Variants in PIEZO2 observed in about 807,000 individuals in gnomAD.
PIEZO2 encodes piezo-type mechanosensitive ion channel component 2.
A neutral mutation model predicts 337.3 loss-of-function variants in PIEZO2; 172 were observed. The ratio of observed to expected loss-of-function variants is 0.51; its 90% confidence interval spans 0.45 to 0.58. The LOEUF (loss-of-function observed/expected upper bound fraction) is 0.58, where lower values mean the gene tolerates loss of function less well. PIEZO2 is among the 20% of genes least tolerant of loss of function. The pLI, the probability that PIEZO2 is intolerant of heterozygous loss-of-function variation, is 0.00. For missense variants in PIEZO2, 3,028 were observed against 3,391.3 expected (o/e 0.89, Z 2.66); for synonymous variants, 1,251 against 1,228.5 (o/e 1.02, Z -0.38).
Position 10,973,602 on chromosome 18 carries a change from G to A in PIEZO2, c.286+5933C>T, listed in dbSNP as rs2034326393. Among the ~76,000 whole-genome samples the A allele has an allele frequency of 6.6e-6, 1 of 152,176 alleles. No individual in the cohort carries two copies. The highest frequency in any genetic ancestry group is 2.1e-4 in the South Asian group (1 of 4,822). ...TGGCCAGAAGTAAAGATATAGCTTG[G>A]ACCAGTTTTTTAAATTGTTGTATTG... On this transcript the variant is annotated intron_variant, in intron 3 of 55. Coordinates refer to ENST00000674853, the MANE Select transcript of PIEZO2 (RefSeq NM_001378183.1). This position sits in a 1 kb window ranked among gnomAD's most constrained non-coding sequence, Gnocchi z 4.9.
intron 32 of PIEZO2, among the ~76,000 whole-genome samples, chr18:10,741,930 G>A (rs2037235262): frequency 6.6e-6 from 1 of 152,090 alleles, no homozygotes; most frequent in Non-Finnish European, 1.5e-5. Flanking sequence ...GAGGTGGGCG[G>A]ATCACGAGGT....
intron 16 of PIEZO2, among the ~76,000 whole-genome samples, chr18:10,786,639 C>A (rs140980811): frequency 6.6e-6 from 1 of 152,146 alleles, no homozygotes; most frequent in African/African-American, 2.4e-5. Context: ...TTCTTTTTGG[C>A]GCTAAATACT....
chr18:10,810,498 G>C (rs1036435467), intron 7 of PIEZO2, among the ~76,000 whole-genome samples: 3 of 152,018 alleles, frequency 2.0e-5, no homozygotes, highest in African/African-American at 7.3e-5. Context: ...TGTTCTCTAC[G>C]CCACCCTCCT....
chr18:11,033,208 A>C lies in PIEZO2; in HGVS notation c.160+32919T>G, dbSNP rs2036803732. On this transcript the variant is annotated intron_variant, in intron 2 of 55. Coordinates refer to ENST00000674853, the MANE Select transcript of PIEZO2 (RefSeq NM_001378183.1). The surrounding 1 kb of genome is among the most constrained non-coding windows in gnomAD (Gnocchi z 4.2). Reference sequence around the variant, plus strand: ...TGTTCTCTCCTTCATTTCACACATGAGGGGACTAAGACTGAGAGGCAAAGT... The same window carrying C: ...TGTTCTCTCCTTCATTTCACACATGCGGGGACTAAGACTGAGAGGCAAAGT... Among the ~76,000 whole-genome samples, 1 of 152,198 alleles carries C rather than the reference A, an allele frequency of 6.6e-6. No individual in the cohort carries two copies. Among genetic ancestry groups the C allele is most frequent in the South Asian group, 2.1e-4 (1 of 4,828 alleles).
At position 10,726,676 on chromosome 18, in the gene PIEZO2, A is replaced by G. The variant is rs1321634501; in HGVS notation, c.5029+4731T>C. ...CGGCCAGACAGACACCTCGCTGCCA[A>G]GTTAATTCAGCAAGGACCAGGTGTA... On this transcript the variant is annotated intron_variant, in intron 36 of 55. Coordinates refer to ENST00000674853, the MANE Select transcript of PIEZO2 (RefSeq NM_001378183.1). This position sits in a 1 kb window ranked among gnomAD's most constrained non-coding sequence, Gnocchi z 5.9. 4 of 1,426,426 alleles carry G rather than the reference A, an allele frequency of 2.8e-6. No individual in the cohort carries two copies. The highest frequency in any genetic ancestry group is 3.9e-6 in the Non-Finnish European group (4 of 1,035,342). 88.4% of individuals were successfully genotyped at this position (1,426,426 alleles called of 1,614,324 possible). A position where few individuals can be genotyped will look rare whatever the true frequency, so the allele number is the denominator to read the frequency against.
Position 11,127,708 on chromosome 18 carries a change from CA to C in PIEZO2, c.64+20816del, listed in dbSNP as rs538287654. Reference sequence around the variant, plus strand: ...TTTATATATATATACATATATATGTCATGTATATATATACACACATATATAT... The same window carrying C: ...TTTATATATATATACATATATATGTCTGTATATATATACACACATATATAT... On this transcript the variant is annotated intron_variant, in intron 1 of 55. Transcript: ENST00000674853. The surrounding 1 kb of genome is among the most constrained non-coding windows in gnomAD (Gnocchi z 4.5). 2.2e-4 allele frequency among the ~76,000 whole-genome samples: 33 copies of C among 148,230 alleles called. No homozygotes were observed. The highest frequency in any genetic ancestry group is 4.6e-4 in the Non-Finnish European group (31 of 67,362).
chr18:11,039,484 G>T (rs1252658233), intron 2 of PIEZO2, among the ~76,000 whole-genome samples: 1 of 152,060 alleles, frequency 6.6e-6, no homozygotes, highest in East Asian at 1.9e-4. Flanking sequence ...GAACAGTGGT[G>T]CTCTCCTGTC....
At chr18:11,063,939 G>T (rs1272063016) in intron 2 of PIEZO2, among the ~76,000 whole-genome samples, 1 of 151,972 alleles carries the variant, frequency 6.6e-6, no homozygotes, top group East Asian at 1.9e-4. Flanking sequence ...TCTAACCGGG[G>T]TGTCTAACTT....
intron 45 of PIEZO2, 128 bp downstream of exon 45, chr18:10,697,620 T>C: frequency 2.4e-6 from 3 of 1,247,934 alleles, no homozygotes; most frequent in Non-Finnish European, 3.3e-6. Flanking sequence ...GTAATTTCAT[T>C]CTGCCTTACG....
chr18:10,951,478 C>A (rs1207609626), intron 3 of PIEZO2, among the ~76,000 whole-genome samples: 2 of 152,198 alleles, frequency 1.3e-5, no homozygotes, highest in East Asian at 3.9e-4. Flanking sequence ...CACCCCAACA[C>A]GTATGTGCAC....
At chr18:11,006,815 A>T (rs1427881427) in intron 2 of PIEZO2, among the ~76,000 whole-genome samples, 1 of 152,136 alleles carries the variant, frequency 6.6e-6, no homozygotes, top group Non-Finnish European at 1.5e-5. Context: ...TAGTAAAAAA[A>T]TTATTCCCTA....
intron 2 of PIEZO2, among the ~76,000 whole-genome samples, chr18:11,045,165 C>A (rs1352340259): frequency 1.3e-5 from 2 of 151,552 alleles, no homozygotes. Context: ...GGCATGGTGG[C>A]AGGCGACTGT....
At chr18:10,869,850 A>G (rs1436063758) in intron 5 of PIEZO2, among the ~76,000 whole-genome samples, 1 of 152,180 alleles carries the variant, frequency 6.6e-6, no homozygotes, top group South Asian at 2.1e-4. Context: ...AGGTGATTGC[A>G]TATCTTTTAC....
At chr18:11,029,482 C>G (rs552018720) in intron 2 of PIEZO2, among the ~76,000 whole-genome samples, 1 of 152,166 alleles carries the variant, frequency 6.6e-6, no homozygotes, top group Non-Finnish European at 1.5e-5. Context: ...ACCCCTTAGG[C>G]GGCTCCCTCC....
Position 10,680,220 on chromosome 18 carries a change from A to G in PIEZO2, c.7931T>C (p.Val2644Ala), listed in dbSNP as rs1325309661. The G allele has an allele frequency of 3.1e-6, 5 of 1,613,378 alleles. No homozygotes were observed. The highest frequency in any genetic ancestry group is 1.1e-5 in the South Asian group (1 of 90,928). ...LLDPNSSFSV[V>A]FSWSIQRNLS... ...CTACCTCTGAATACTCCATGAAAAA[A>G]CAACAGAGAAGCTACTATTGGGGTC... The change falls in exon 52 of 56, where the codon GTT becomes GCT. Residue 2644 changes from valine to alanine, a missense_variant. Val to Ala is a moderately conservative substitution (Grantham distance 64). Transcript: ENST00000674853.
chr18:11,107,354 C>G lies in PIEZO2; in HGVS notation c.65-41132G>C, dbSNP rs777022002. On this transcript the variant is annotated intron_variant, in intron 1 of 55. Coordinates refer to ENST00000674853, the MANE Select transcript of PIEZO2 (RefSeq NM_001378183.1). ...TATGCCAGAGGGTGTTATCAGATTA[C>G]CAGCAATCAGGAATTCTGGGGTGAT... Among the ~76,000 whole-genome samples the G allele has an allele frequency of 7.3e-4, 111 of 151,984 alleles. 1 individual carries two copies. The highest frequency in any genetic ancestry group is 2.9e-4 in the Non-Finnish European group (20 of 68,002).
Position 11,146,701 on chromosome 18 carries a change from A to G in PIEZO2, c.64+1824T>C, listed in dbSNP as rs2040820391. ...TATGCTCAGGGCAAGGTCGCAGGCA[A>G]TCGCTGCTGGCACTTCATTCCGCCA... On this transcript the variant is annotated intron_variant, in intron 1 of 55. Coordinates refer to ENST00000674853, the MANE Select transcript of PIEZO2 (RefSeq NM_001378183.1). This position sits in a 1 kb window ranked among gnomAD's most constrained non-coding sequence, Gnocchi z 6.1. Among the ~76,000 whole-genome samples, 1 of 152,202 alleles carries G rather than the reference A, an allele frequency of 6.6e-6. No individual in the cohort carries two copies. The highest frequency in any genetic ancestry group is 2.4e-5 in the African/African-American group (1 of 41,458).
intron 36 of PIEZO2, among the ~76,000 whole-genome samples, chr18:10,718,734 G>A (rs1320653673): frequency 6.6e-6 from 1 of 152,130 alleles, no homozygotes; most frequent in Non-Finnish European, 1.5e-5. Flanking sequence ...TATCAATGCT[G>A]GGTGCAGTGG....
At chr18:10,745,482 T>A in intron 30 of PIEZO2, among the ~76,000 whole-genome samples, 1 of 152,158 alleles carries the variant, frequency 6.6e-6, no homozygotes, top group East Asian at 1.9e-4. Context: ...CCACCTCTGC[T>A]TGTTGCTGTC....
Sources: gnomAD v4.1 joint callset for allele counts (sites outside exome capture counted in the v4.1 genomes callset) on GRCh38, gnomAD v4.1.1 for gene constraint, Gnocchi (gnomAD v3.1) non-coding constraint, MANE v1.5 for transcripts, NCBI Gene and HGNC (gene_info 2026-07-23, HGNC 2026-07-21) for gene names.